Variants in TBC1D32 observed in about 807,000 individuals in gnomAD.
TBC1D32 encodes TBC1 domain family member 32, also known as protein broad-minded.
TBC1D32 carries 151 observed loss-of-function variants against 170.3 expected under a neutral mutation model. The ratio of observed to expected loss-of-function variants is 0.89; its 90% confidence interval spans 0.78 to 1.01. The LOEUF (loss-of-function observed/expected upper bound fraction) is 1.01, where lower values mean the gene tolerates loss of function less well. TBC1D32 is among the 50% of genes least tolerant of loss of function. TBC1D32 has a pLI of 0.00. For missense variants in TBC1D32, 1,464 were observed against 1,457.1 expected (o/e 1.00, Z -0.08); for synonymous variants, 498 against 488.0 (o/e 1.02, Z -0.27).
In TBC1D32 at chr6:121,096,598, T is replaced by C. The variant is rs565488327; in HGVS notation, c.3466-5557A>G. Reference sequence around the variant, plus strand: ...CATGCTCATGGATAGGAAGAATCAATATCATGAAAATGGCCATACTGCCCA... The same window carrying C: ...CATGCTCATGGATAGGAAGAATCAACATCATGAAAATGGCCATACTGCCCA... On this transcript the variant is annotated intron_variant, in intron 30 of 31. Coordinates refer to ENST00000398212, the MANE Select transcript of TBC1D32 (RefSeq NM_152730.6). 9.6e-4 allele frequency among the ~76,000 whole-genome samples: 146 copies of C among 152,190 alleles called. 1 individual carries two copies. The highest frequency in any genetic ancestry group is 7.0e-3 in the Admixed American group (107 of 15,274).
chr6:121,112,322 A>C (rs1026582645), intron 29 of TBC1D32, 183 bp downstream of exon 29: 5 of 455,106 alleles, frequency 1.1e-5, no homozygotes, highest in African/African-American at 1.0e-4. Flanking sequence ...TAGGTAAGAC[A>C]CCAAGTATTT....
At chr6:121,302,078 T>A (rs988450516) in intron 9 of TBC1D32, among the ~76,000 whole-genome samples, 1 of 152,208 alleles carries the variant, frequency 6.6e-6, no homozygotes, top group Non-Finnish European at 1.5e-5. Context: ...GAAGTTGATA[T>A]AGTATTAAGC....
At chr6:121,306,812 A>G (rs1807387469) in intron 5 of TBC1D32, among the ~76,000 whole-genome samples, 1 of 152,126 alleles carries the variant, frequency 6.6e-6, no homozygotes, top group African/African-American at 2.4e-5. Context: ...TGACTTCATA[A>G]TTTTACAATT....
intron 22 of TBC1D32, among the ~76,000 whole-genome samples, chr6:121,161,366 T>C (rs1785628192): frequency 6.6e-6 from 1 of 152,118 alleles, no homozygotes; most frequent in Non-Finnish European, 1.5e-5. Flanking sequence ...CTTCACCCTC[T>C]AACAGGCCCC....
chr6:121,235,389 C>T (rs1283097085), intron 20 of TBC1D32, among the ~76,000 whole-genome samples: 1 of 152,114 alleles, frequency 6.6e-6, no homozygotes, highest in Non-Finnish European at 1.5e-5. Context: ...AGAGGCGTGT[C>T]TGAGCTCAGC....
intron 15 of TBC1D32, among the ~76,000 whole-genome samples, chr6:121,275,894 G>A (rs770799909): frequency 2.6e-5 from 4 of 152,120 alleles, no homozygotes; most frequent in Non-Finnish European, 2.9e-5. Context: ...GGAAGCCAAG[G>A]CAGGCAGATC....
intron 30 of TBC1D32, among the ~76,000 whole-genome samples, chr6:121,094,270 T>A (rs561664510): frequency 6.6e-6 from 1 of 151,820 alleles, no homozygotes; most frequent in African/African-American, 2.4e-5. Context: ...TGAGTTCAAA[T>A]GATTCTCATG....
intron 2 of TBC1D32, among the ~76,000 whole-genome samples, chr6:121,320,468 G>A (rs115775005): frequency 0.012 from 1,891 of 152,072 alleles, 39 homozygotes; most frequent in African/African-American, 0.043. Context: ...TTCATTAACC[G>A]TCTAATAAAG....
chr6:121,087,944 T>A (rs1322421462), intron 31 of TBC1D32, among the ~76,000 whole-genome samples: 3 of 139,930 alleles, frequency 2.1e-5, no homozygotes, highest in South Asian at 2.1e-4. Context: ...TGCAGTTACA[T>A]GGGGAATTTT....
chr6:121,331,980 C>T (rs1020322055), intron 1 of TBC1D32, among the ~76,000 whole-genome samples: 1 of 152,122 alleles, frequency 6.6e-6, no homozygotes, highest in African/African-American at 2.4e-5. Flanking sequence ...ATTTGAGTCT[C>T]TCTGGATTGT....
chr6:121,089,205 GT>G (rs1402093733), intron 31 of TBC1D32, among the ~76,000 whole-genome samples: 3 of 152,056 alleles, frequency 2.0e-5, no homozygotes, highest in African/African-American at 7.2e-5. Flanking sequence ...ACCAGGTATT[GT>G]TTGATATATT....
chr6:121,203,588 AG>A (rs1791872572), intron 22 of TBC1D32, among the ~76,000 whole-genome samples: 1 of 151,388 alleles, frequency 6.6e-6, no homozygotes. Context: ...TCTGTGTGCC[AG>A]GTACTATTTT....
At chr6:121,145,553 T>G (rs1047117037) in intron 24 of TBC1D32, among the ~76,000 whole-genome samples, 2 of 152,182 alleles carry the variant, frequency 1.3e-5, no homozygotes, top group Admixed American at 1.3e-4. Context: ...ACATGGTGAC[T>G]ATGTTATTAA....
At chr6:121,234,553 T>C (rs1796114266) in intron 20 of TBC1D32, among the ~76,000 whole-genome samples, 1 of 152,104 alleles carries the variant, frequency 6.6e-6, no homozygotes, top group Non-Finnish European at 1.5e-5. Flanking sequence ...ATCCTTGATT[T>C]CCAGAAGTTG....
At chr6:121,110,259 A>T (rs1404512138) in intron 29 of TBC1D32, among the ~76,000 whole-genome samples, 1 of 149,040 alleles carries the variant, frequency 6.7e-6, no homozygotes, top group Non-Finnish European at 1.5e-5. Flanking sequence ...TCAAAAAAAA[A>T]AAAATTTTAT....
chr6:121,282,585 C>G (rs979468392), intron 13 of TBC1D32, among the ~76,000 whole-genome samples: 9 of 151,708 alleles, frequency 5.9e-5, no homozygotes, highest in Admixed American at 5.9e-4. Flanking sequence ...GATTTTTCAA[C>G]CAGCTTCAAG....
intron 1 of TBC1D32, among the ~76,000 whole-genome samples, chr6:121,328,545 A>C (rs1324539284): frequency 1.3e-5 from 2 of 151,928 alleles, no homozygotes; most frequent in African/African-American, 4.8e-5. Flanking sequence ...CGGCCTCCCA[A>C]AGTGTTGGGA....
chr6:121,257,496 AT>A (rs1799199063), intron 15 of TBC1D32, among the ~76,000 whole-genome samples: 2 of 152,146 alleles, frequency 1.3e-5, no homozygotes, highest in Non-Finnish European at 1.5e-5. Context: ...TGATTATAGC[AT>A]TTAGTTTGCA....
In TBC1D32 at chr6:121,286,781, C is replaced by T. The variant is rs545023090; in HGVS notation, c.1373-2871G>A. 3.9e-5 allele frequency among the ~76,000 whole-genome samples: 6 copies of T among 152,230 alleles called. No individual in the cohort carries two copies. In the East Asian group the frequency reaches 1.2e-3, roughly 29 times the overall value. ...GGTCGGGTTACGCACAAAGGGAAGC[C>T]CATCAGACTAACAGTTGATCTCTCA... On this transcript the variant is annotated intron_variant, in intron 12 of 31. Coordinates refer to ENST00000398212, the MANE Select transcript of TBC1D32 (RefSeq NM_152730.6).
Sources: allele counts gnomAD v4.1 joint callset (sites outside exome capture counted in the v4.1 genomes callset), GRCh38; gene constraint gnomAD v4.1.1; transcripts MANE v1.5; gene names NCBI Gene and HGNC (gene_info 2026-07-23, HGNC 2026-07-21).